CRTC1: variants seen among roughly 807,000 people sequenced by gnomAD.
CRTC1 encodes CREB-regulated transcription coactivator 1.
In CRTC1, 18 loss-of-function variants were observed where a neutral mutation model predicts 66.1. The observed-to-expected ratio is 0.27, with a 90% confidence interval of 0.19 to 0.40. The LOEUF (loss-of-function observed/expected upper bound fraction) is 0.40. CRTC1 is among the 10% of genes least tolerant of loss of function. The pLI, the probability that CRTC1 is intolerant of heterozygous loss-of-function variation, is 1.00. For missense variants in CRTC1, 669 were observed against 887.9 expected (o/e 0.75, Z 3.13); for synonymous variants, 416 against 398.8 (o/e 1.04, Z -0.51).
chr19:18,770,965 CGTGTGTGTGCATGT>C (rs2145849837), intron 10 of CRTC1, among the ~76,000 whole-genome samples: 1 of 141,536 alleles, frequency 7.1e-6, no homozygotes, highest in East Asian at 2.2e-4. Flanking sequence ...TGTGAGTATG[CGTGTGTGTGCATGT>C]GTGGGTGTGC....
At chr19:18,726,842 C>T (rs1270177617) in intron 1 of CRTC1, among the ~76,000 whole-genome samples, 5 of 148,412 alleles carry the variant, frequency 3.4e-5, no homozygotes, top group Non-Finnish European at 7.4e-5. Context: ...AGGAGAATTG[C>T]TTGAACCCAG....
chr19:18,747,126 G>GCCCCC lies in CRTC1; in HGVS notation c.443+12_443+13insCCCCC, dbSNP rs2054258656. On this transcript the variant is annotated intron_variant, in intron 4 of 13. Coordinates refer to ENST00000321949, the MANE Select transcript of CRTC1 (RefSeq NM_015321.3). ...ACCAGCTGGAGAAGGTCAGTGGCTG[G>GCCCCC]ACACCCCCCCCCCGCCCCCTTCTTG... is the stretch of plus-strand genomic sequence containing the variant. The GCCCCC allele has an allele frequency of 6.4e-7, 1 of 1,559,354 alleles. No individual in the cohort carries two copies. The highest frequency in any genetic ancestry group is 1.5e-5 in the African/African-American group (1 of 65,968).
chr19:18,742,174 G>A (rs1340615028), intron 1 of CRTC1, among the ~76,000 whole-genome samples: 2 of 152,188 alleles, frequency 1.3e-5, no homozygotes, highest in East Asian at 3.8e-4. Flanking sequence ...TGAAGGGGAG[G>A]AGGCCAGCTT....
chr19:18,712,833 G>A (rs923686816), intron 1 of CRTC1, among the ~76,000 whole-genome samples: 5 of 152,006 alleles, frequency 3.3e-5, no homozygotes, highest in Admixed American at 2.6e-4. Flanking sequence ...GGTGGCATAC[G>A]GCTGTAATCC....
At chr19:18,774,178 T>A (rs2054932102) in intron 11 of CRTC1, among the ~76,000 whole-genome samples, 1 of 152,102 alleles carries the variant, frequency 6.6e-6, no homozygotes, top group South Asian at 2.1e-4. Flanking sequence ...CCTCCTCGCC[T>A]CCACACCCCA....
intron 1 of CRTC1, among the ~76,000 whole-genome samples, chr19:18,738,591 CAG>C (rs2054048017): frequency 6.6e-6 from 1 of 152,120 alleles, no homozygotes; most frequent in African/African-American, 2.4e-5. Context: ...CACCTGAGGT[CAG>C]GGGTCTGAGA....
chr19:18,721,858 A>G (rs550288490), intron 1 of CRTC1, among the ~76,000 whole-genome samples: 31 of 152,296 alleles, frequency 2.0e-4, no homozygotes, highest in African/African-American at 7.2e-4. Context: ...GGACATGGCT[A>G]TGTGTTTCCA....
intron 1 of CRTC1, among the ~76,000 whole-genome samples, chr19:18,684,487 C>T (rs548833561): frequency 6.6e-6 from 1 of 152,158 alleles, no homozygotes; most frequent in Admixed American, 6.5e-5. Flanking sequence ...GGGATCTCTC[C>T]CTCTTGGACA....
intron 1 of CRTC1, among the ~76,000 whole-genome samples, chr19:18,688,605 A>T (rs1292567120): frequency 6.6e-6 from 1 of 151,836 alleles, no homozygotes; most frequent in East Asian, 1.9e-4. Flanking sequence ...CGCCTGAGTA[A>T]TTTTGTATTT....
Position 18,771,250 on chromosome 19 carries a change from G to A in CRTC1, c.1321-192G>A, listed in dbSNP as rs535897338. Among the ~76,000 whole-genome samples, 69 of 198 alleles carry A rather than the reference G, an allele frequency of 0.35. No individual in the cohort carries two copies. Among genetic ancestry groups the A allele is most frequent in the Admixed American group, 0.44 (7 of 16 alleles). The allele number at this position is 198 out of a possible 152,430, so 0.1% of individuals were successfully genotyped here. On this transcript the variant is annotated intron_variant, in intron 10 of 13. Transcript: ENST00000321949. The surrounding 1 kb of genome is among the most constrained non-coding windows in gnomAD (Gnocchi z 4.6). ...TTCCTGGGTTCGGGGGCAGCTCCCC[G>A]GAGGCTCAGGTACCCACCTTTCCTG...
intron 10 of CRTC1, among the ~76,000 whole-genome samples, chr19:18,769,142 G>C (rs2145842312): frequency 6.6e-6 from 1 of 152,378 alleles, no homozygotes; most frequent in African/African-American, 2.4e-5. Flanking sequence ...CTCAGGGCCA[G>C]GGCGCAGGCC....
chr19:18,688,566 G>A (rs957549298), intron 1 of CRTC1, among the ~76,000 whole-genome samples: 3 of 152,026 alleles, frequency 2.0e-5, no homozygotes, highest in African/African-American at 4.8e-5. Flanking sequence ...AGCCTCCCAA[G>A]TAGCTGGAAT....
At chr19:18,738,690 C>T (rs2054049946) in intron 1 of CRTC1, among the ~76,000 whole-genome samples, 1 of 152,178 alleles carries the variant, frequency 6.6e-6, no homozygotes, top group South Asian at 2.1e-4. Flanking sequence ...ATTCCAGCTA[C>T]TCAGGAGGCT....
chr19:18,779,156 G>A lies in CRTC1; in HGVS notation c.*1774G>A, dbSNP rs778458294. On this transcript the variant is annotated 3_prime_UTR_variant, in exon 14 of 14. Coordinates refer to ENST00000321949, the MANE Select transcript of CRTC1 (RefSeq NM_015321.3). ...GCTCGCTCCTGCCTGCCGGGACAGC[G>A]CCTTCTGCTGAGTCCGTTTATTTGT... 4.3e-6 allele frequency: 1 copy of A among 232,566 alleles called. No individual in the cohort carries two copies. Among genetic ancestry groups the A allele is most frequent in the Non-Finnish European group, 8.5e-6 (1 of 117,594 alleles). 14.4% of individuals were successfully genotyped at this position (232,566 alleles called of 1,614,324 possible).
chr19:18,762,986 A>T (rs2054648757), intron 8 of CRTC1, among the ~76,000 whole-genome samples: 1 of 152,162 alleles, frequency 6.6e-6, no homozygotes. Context: ...ACAACAGCAA[A>T]CCACATAATC....
chr19:18,759,698 A>G, intron 7 of CRTC1, 107 bp downstream of exon 7: 1 of 1,258,002 alleles, frequency 7.9e-7, no homozygotes, highest in Non-Finnish European at 1.1e-6. Flanking sequence ...TGCAAGAGGG[A>G]CACTGTGTGA....
intron 1 of CRTC1, among the ~76,000 whole-genome samples, chr19:18,705,485 T>A (rs1340678044): frequency 6.6e-6 from 1 of 152,128 alleles, no homozygotes; most frequent in Non-Finnish European, 1.5e-5. Flanking sequence ...ACCTGGCTAA[T>A]CTTTGTGTTT....
intron 1 of CRTC1, among the ~76,000 whole-genome samples, chr19:18,708,021 C>T (rs925364239): frequency 6.6e-6 from 1 of 152,218 alleles, no homozygotes; most frequent in Non-Finnish European, 1.5e-5. Context: ...TGAAGGCAGC[C>T]ATGTCTCCTG....
In CRTC1 at chr19:18,730,936, C is replaced by T. The variant is rs576452296; in HGVS notation, c.127-11974C>T. On this transcript the variant is annotated intron_variant, in intron 1 of 13. Transcript: ENST00000321949. ...GCTTGTCCCAGGCCCTCCACAGTTC[C>T]GGGGCTGAGTATCCTTCCCTCCCTC... Among the ~76,000 whole-genome samples the T allele has an allele frequency of 7.3e-5, 11 of 151,338 alleles. No homozygotes were observed. In the South Asian group the frequency reaches 1.5e-3, roughly 20 times the overall value.
Sources: gnomAD v4.1 joint callset for allele counts (sites outside exome capture counted in the v4.1 genomes callset) on GRCh38, gnomAD v4.1.1 for gene constraint, Gnocchi (gnomAD v3.1) non-coding constraint, MANE v1.5 for transcripts, NCBI Gene and HGNC (gene_info 2026-07-23, HGNC 2026-07-21) for gene names.